The following OR51B5 variants were observed in gnomAD, a reference collection of about 807,000 sequenced individuals.
The protein encoded by OR51B5 is olfactory receptor 51B5.
For synonymous variants in OR51B5, 186 were observed against 144.8 expected (o/e 1.28, Z -2.04); for missense variants, 456 against 374.6 (o/e 1.22, Z -1.79).
intron 1 of OR51B5, among the ~76,000 whole-genome samples, chr11:5,473,396 G>C (rs577614585): frequency 1.3e-5 from 2 of 152,162 alleles, no homozygotes; most frequent in Non-Finnish European, 1.5e-5. Context: ...GCTTTAAGGG[G>C]TAAGAAGCTT....
chr11:5,404,334 A>C (rs2133744540), intron 1 of OR51B5, among the ~76,000 whole-genome samples: 1 of 152,262 alleles, frequency 6.6e-6, no homozygotes, highest in African/African-American at 2.4e-5. Context: ...GTCTAGCTAA[A>C]GGGTTGTAAA....
intron 1 of OR51B5, chr11:5,389,805 T>G: frequency 1.9e-6 from 3 of 1,613,978 alleles, no homozygotes; most frequent in Non-Finnish European, 2.5e-6. Flanking sequence ...GACCGCCTTG[T>G]GGCCATCTGC....
intron 1 of OR51B5, chr11:5,468,661 G>A (rs1470475266): frequency 4.4e-6 from 2 of 456,552 alleles, no homozygotes; most frequent in Non-Finnish European, 8.8e-6. Context: ...TAGGCACATA[G>A]AAGATCAGCA....
intron 1 of OR51B5, among the ~76,000 whole-genome samples, chr11:5,360,420 A>T (rs77270291): frequency 2.7e-5 from 4 of 150,274 alleles, no homozygotes; most frequent in East Asian, 3.9e-4. Flanking sequence ...TCAGAGAAAT[A>T]CAAATCAAAA....
chr11:5,489,096 T>C, intron 1 of OR51B5: 3 of 1,614,016 alleles, frequency 1.9e-6, no homozygotes, highest in Non-Finnish European at 1.7e-6. Flanking sequence ...TGGCTATCTG[T>C]AACCCATTAA....
At chr11:5,488,036 T>C (rs1851521816) in intron 1 of OR51B5, among the ~76,000 whole-genome samples, 1 of 152,172 alleles carries the variant, frequency 6.6e-6, no homozygotes. Flanking sequence ...TGCATCATTA[T>C]ATCATTAATT....
chr11:5,456,800 G>A (rs547275625), intron 1 of OR51B5, among the ~76,000 whole-genome samples: 1 of 152,248 alleles, frequency 6.6e-6, no homozygotes, highest in South Asian at 2.1e-4. Flanking sequence ...GAGGTGACTG[G>A]ATCATGGGGA....
At chr11:5,487,198 A>T (rs559930013) in intron 1 of OR51B5, among the ~76,000 whole-genome samples, 4 of 152,166 alleles carry the variant, frequency 2.6e-5, no homozygotes, top group African/African-American at 9.7e-5. Context: ...TGGTCTTTTC[A>T]TTGGTTAGGG....
chr11:5,382,245 AC>A (rs1357108683), intron 1 of OR51B5, among the ~76,000 whole-genome samples: 3 of 152,118 alleles, frequency 2.0e-5, no homozygotes, highest in African/African-American at 4.8e-5. Context: ...CACATAAACA[AC>A]TTTTCCTCAC....
At chr11:5,389,001 GAGAA>G (rs1457960622) in intron 1 of OR51B5, among the ~76,000 whole-genome samples, 2 of 152,146 alleles carry the variant, frequency 1.3e-5, no homozygotes, top group Non-Finnish European at 2.9e-5. Flanking sequence ...AATCAAAAGA[GAGAA>G]AGACAAGTTC....
intron 1 of OR51B5, among the ~76,000 whole-genome samples, chr11:5,426,628 G>T (rs2736582): frequency 1.3e-5 from 2 of 151,598 alleles, no homozygotes; most frequent in Non-Finnish European, 2.9e-5. Flanking sequence ...CCTAATACAT[G>T]TGTTAGGGCA....
intron 1 of OR51B5, chr11:5,453,508 C>A (rs778549994): frequency 6.4e-7 from 1 of 1,564,416 alleles, no homozygotes; most frequent in Non-Finnish European, 8.6e-7. Context: ...TTCAATGTCA[C>A]TCACCCTGCA....
intron 1 of OR51B5, among the ~76,000 whole-genome samples, chr11:5,429,864 C>T (rs16930808): frequency 0.05 from 7,655 of 152,266 alleles, 594 homozygotes; most frequent in East Asian, 0.41. Flanking sequence ...GCTGCTTTTG[C>T]TGAGATTCTT....
In OR51B5 at chr11:5,454,405, T is replaced by A. The variant is rs748066175; in HGVS notation, n.84+51164A>T. 3.7e-6 allele frequency: 6 copies of A among 1,606,188 alleles called. No individual in the cohort carries two copies. In the East Asian group the frequency reaches 1.1e-4, roughly 30 times the overall value. ...GAAATCCGCCGAGCCATTTTCCGCA[T>A]GTTTCACCACATCAAAATATGACTT... On this transcript the variant is annotated intron_variant and non_coding_transcript_variant, in intron 1 of 4. Coordinates refer to the OR51B5 transcript ENST00000415970.
intron 1 of OR51B5, chr11:5,454,201 T>C (rs199654892): frequency 8.7e-6 from 14 of 1,613,956 alleles, no homozygotes; most frequent in Non-Finnish European, 1.1e-5. Flanking sequence ...CTCAAAGCTC[T>C]CAACACATGT....
downstream of OR51B5, chr11:5,340,367 T>C (rs940388276): frequency 6.6e-5 from 10 of 152,132 alleles, no homozygotes; most frequent in Non-Finnish European, 1.5e-4. Context: ...TTATCTATAA[T>C]TTACTCTAAA....
At chr11:5,422,478 G>C in intron 1 of OR51B5, 1 of 1,614,178 alleles carries the variant, frequency 6.2e-7, no homozygotes, top group South Asian at 1.1e-5. Context: ...AACGTTCGTA[G>C]AATCAGCTCT....
At chr11:5,362,628 C>A (rs1849302563) in intron 1 of OR51B5, 1 of 179,594 alleles carries the variant, frequency 5.6e-6, no homozygotes, top group Non-Finnish European at 1.2e-5. Flanking sequence ...GAGCTCAAGG[C>A]CATGAGCAGA....
intron 1 of OR51B5, among the ~76,000 whole-genome samples, chr11:5,378,788 C>T (rs1849567367): frequency 6.6e-6 from 1 of 151,374 alleles, no homozygotes; most frequent in Admixed American, 6.6e-5. Flanking sequence ...GTTAGAATGG[C>T]AATCATTAAA....
Sources: gnomAD v4.1 joint callset for allele counts (sites outside exome capture counted in the v4.1 genomes callset) on GRCh38, gnomAD v4.1.1 for gene constraint, MANE v1.5 for transcripts, NCBI Gene and HGNC (gene_info 2026-07-23, HGNC 2026-07-21) for gene names.